The following HERC2 variants were observed in gnomAD, a reference collection of about 807,000 sequenced individuals.
HERC2 encodes E3 ubiquitin-protein ligase HERC2.
In HERC2, 102 loss-of-function variants were observed where a neutral mutation model predicts 537.7. The ratio of observed to expected loss-of-function variants is 0.19; its 90% CI spans 0.16 to 0.22. The LOEUF (loss-of-function observed/expected upper bound fraction) is 0.22, where lower values mean the gene tolerates loss of function less well. HERC2 is among the 10% of genes least tolerant of loss of function. HERC2 has a pLI of 1.00. For synonymous variants in HERC2, 2,224 were observed against 2,466.2 expected (o/e 0.90, Z 2.91); for missense variants, 4,236 against 6,198.2 (o/e 0.68, Z 10.63).
At chr15:28,199,747 C>T (rs1490712637) in intron 48 of HERC2, among the ~76,000 whole-genome samples, 1 of 152,078 alleles carries the variant, frequency 6.6e-6, no homozygotes, top group Non-Finnish European at 1.5e-5. Flanking sequence ...GGAGGGAGTA[C>T]ATGCCTATGA....
intron 2 of HERC2, among the ~76,000 whole-genome samples, 170 bp downstream of exon 2, chr15:28,321,192 A>G (rs2077219013): frequency 6.6e-6 from 1 of 152,186 alleles, no homozygotes; most frequent in Non-Finnish European, 1.5e-5. Flanking sequence ...CACGATCTAC[A>G]AAAACAGCCA....
intron 2 of HERC2, among the ~76,000 whole-genome samples, chr15:28,306,456 T>C (rs1431361726): frequency 6.6e-6 from 1 of 152,252 alleles, no homozygotes; most frequent in African/African-American, 2.4e-5. Flanking sequence ...TTTAATGTGT[T>C]GTTGAATTCG....
At chr15:28,167,131 C>T (rs957041386) in intron 68 of HERC2, among the ~76,000 whole-genome samples, 6 of 152,204 alleles carry the variant, frequency 3.9e-5, no homozygotes, top group Non-Finnish European at 7.3e-5. Context: ...AGGAACAAGA[C>T]ATTGACATAA....
At chr15:28,197,357 C>T (rs1229654652) in intron 50 of HERC2, among the ~76,000 whole-genome samples, 1 of 152,218 alleles carries the variant, frequency 6.6e-6, no homozygotes, top group African/African-American at 2.4e-5. Context: ...GATTTGGAAT[C>T]TCAATAGTAT....
intron 68 of HERC2, among the ~76,000 whole-genome samples, chr15:28,165,793 C>T (rs890029221): frequency 3.3e-5 from 5 of 152,082 alleles, no homozygotes; most frequent in African/African-American, 1.2e-4. Context: ...GAACAAGACC[C>T]TGTCTAAAAA....
chr15:28,168,427 G>A lies in HERC2; in HGVS notation c.10393C>T (p.Pro3465Ser), dbSNP rs1352439130. Residue 3465 changes from proline to serine, a missense_variant, in exon 67 of 93, where the codon CCA becomes TCA. By Grantham distance (74) the Pro-to-Ser change is moderately conservative. Transcript: ENST00000261609. Reference protein sequence around the residue: ...VDIEDRLSPNPWQEKREIVSS... With the variant: ...VDIEDRLSPNSWQEKREIVSS... ...TTTACCTCTCTCTTTTCTTGCCATG[G>A]ATTTGGACTCAGTCTGTCTTCGATA... 6.2e-7 allele frequency: 1 copy of A among 1,613,896 alleles called. No individual in the cohort carries two copies. Among genetic ancestry groups the A allele is most frequent in the Non-Finnish European group, 8.5e-7 (1 of 1,179,928 alleles).
chr15:28,223,421 G>A (rs930249533), intron 35 of HERC2, among the ~76,000 whole-genome samples: 7 of 152,128 alleles, frequency 4.6e-5, no homozygotes, highest in Non-Finnish European at 8.8e-5. Flanking sequence ...TTCCAAGAGA[G>A]CAACAAAGGA....
At position 28,233,143 on chromosome 15, in the gene HERC2, T is replaced by C. The variant is rs1902057252; in HGVS notation, c.4675+3A>G. 6.2e-7 allele frequency: 1 copy of C among 1,608,124 alleles called. No individual in the cohort carries two copies. ...AGTATCTTCTGTCCTTTTACATTCT[T>C]ACCTCTCTTTTTCCTTCGTTCTCGA... On this transcript the variant is annotated splice_donor_region_variant and intron_variant, in intron 30 of 92. Coordinates refer to ENST00000261609, the MANE Select transcript of HERC2 (RefSeq NM_004667.6).
chr15:28,290,910 G>A (rs1043933657), intron 4 of HERC2, among the ~76,000 whole-genome samples: 4 of 151,992 alleles, frequency 2.6e-5, no homozygotes, highest in Admixed American at 6.6e-5. Flanking sequence ...AAGAAACTAG[G>A]AAAGACAGAA....
At position 28,202,515 on chromosome 15, in the gene HERC2, C is replaced by A. The variant is rs574644982; in HGVS notation, c.7312G>T (p.Val2438Phe). The A allele has an allele frequency of 2.3e-5, 28 of 1,231,474 alleles. No individual in the cohort carries two copies. The highest frequency in any genetic ancestry group is 3.2e-5 in the Non-Finnish European group (28 of 869,850). The allele number at this position is 1,231,474 out of a possible 1,614,324, so 76.3% of individuals were successfully genotyped here. A position where few individuals can be genotyped will look rare whatever the true frequency, so the allele number is the denominator to read the frequency against. The change falls in exon 46 of 93, where the codon GTC becomes TTC. Residue 2438 changes from valine (V) to phenylalanine (F), a missense_variant. By Grantham distance (50) the Val-to-Phe change is conservative. Around this residue, in one of 27 missense-constraint regions of HERC2, gnomAD observed 35 missense variants for 68.7 expected, o/e 0.51. Transcript: ENST00000261609. ...GCAGGGCGGATGTGCTGCACGGCGA[C>A]AGGCGTGGTGGCCTCACTGGAGCTG... ...DCSSSEATTP[V>F]AVQHIRPARV...
chr15:28,187,107 G>A (rs1348650779), intron 55 of HERC2, among the ~76,000 whole-genome samples: 1 of 152,152 alleles, frequency 6.6e-6, no homozygotes, highest in African/African-American at 2.4e-5. Context: ...TAAATGTCAG[G>A]TAGTAACAGA....
chr15:28,223,618 G>T (rs1287602116), intron 35 of HERC2, among the ~76,000 whole-genome samples: 2 of 152,164 alleles, frequency 1.3e-5, no homozygotes, highest in African/African-American at 2.4e-5. Flanking sequence ...AAGACTGAAT[G>T]TATTGCTAAG....
intron 2 of HERC2, among the ~76,000 whole-genome samples, chr15:28,311,076 CAAAAAAAAAAAA>C (rs71132854): frequency 3.4e-5 from 1 of 29,294 alleles, no homozygotes; most frequent in Non-Finnish European, 5.8e-5. Flanking sequence ...GACTGCATCT[CAAAAAAAAAAAA>C]AAAAAAAAAA....
At chr15:28,314,533 A>C (rs1490426772) in intron 2 of HERC2, among the ~76,000 whole-genome samples, 1 of 151,368 alleles carries the variant, frequency 6.6e-6, no homozygotes. Flanking sequence ...AAGTGATTTT[A>C]TATTTTTCAA....
chr15:28,210,133 T>TA (rs1899004960), intron 44 of HERC2, among the ~76,000 whole-genome samples: 1 of 151,338 alleles, frequency 6.6e-6, no homozygotes, highest in Non-Finnish European at 1.5e-5. Flanking sequence ...CACTATTTTT[T>TA]TTTATTTATT....
Position 28,254,581 on chromosome 15 carries a change from G to A in HERC2, c.2872-63C>T. 4.2e-6 allele frequency: 5 copies of A among 1,178,722 alleles called. 1 individual carries two copies. In the Middle Eastern group the frequency reaches 1.0e-3, roughly 239 times the overall value. The allele number at this position is 1,178,722 out of a possible 1,614,324, so 73.0% of individuals were successfully genotyped here. On this transcript the variant is annotated intron_variant, in intron 19 of 92. Transcript: ENST00000261609. ...CATTACCAGGTGTGAAGACACACAG[G>A]CTGGCTGAGCCCTAACCCCAGTGCC... is the stretch of plus-strand genomic sequence containing the variant.
intron 35 of HERC2, among the ~76,000 whole-genome samples, chr15:28,222,862 T>C (rs1900672110): frequency 1.3e-5 from 2 of 152,194 alleles, no homozygotes; most frequent in South Asian, 4.1e-4. Flanking sequence ...GCCTGGAGTC[T>C]CTATCCAGCT....
chr15:28,112,610 G>A (rs976054490), intron 92 of HERC2, among the ~76,000 whole-genome samples: 4 of 152,150 alleles, frequency 2.6e-5, no homozygotes, highest in Non-Finnish European at 4.4e-5. Context: ...CAGAGAGTGG[G>A]GGCATTAGGC....
At chr15:28,152,120 A>G (rs1199880801) in intron 70 of HERC2, among the ~76,000 whole-genome samples, 1 of 152,186 alleles carries the variant, frequency 6.6e-6, no homozygotes, top group Non-Finnish European at 1.5e-5. Context: ...GGCGGAACTT[A>G]TGGGCCTCCG....
Sources: gnomAD v4.1 joint callset for allele counts (sites outside exome capture counted in the v4.1 genomes callset) on GRCh38, gnomAD v4.1.1 for gene constraint, gnomAD v4.1.1 regional missense constraint, MANE v1.5 for transcripts, NCBI Gene and HGNC (gene_info 2026-07-23, HGNC 2026-07-21) for gene names.